DLG2: variants seen among roughly 807,000 people sequenced by gnomAD.
DLG2 encodes discs large MAGUK scaffold protein 2.
Under a neutral mutation model 132.5 loss-of-function variants are expected in DLG2, and 45 were observed. That is an observed-to-expected ratio of 0.34 (90% CI 0.27 to 0.44). DLG2 has a LOEUF of 0.44. DLG2 is among the 20% of genes least tolerant of loss of function. DLG2 has a pLI of 1.00. For missense variants in DLG2, 1,045 were observed against 1,196.9 expected, an observed-to-expected ratio of 0.87 and a Z score of 1.87; for synonymous variants, 424 against 419.6, an observed-to-expected ratio of 1.01 and a Z score of -0.13.
chr11:85,378,101 C>T (rs1007973223), intron 3 of DLG2, among the ~76,000 whole-genome samples: 4 of 151,950 alleles, frequency 2.6e-5, no homozygotes, highest in African/African-American at 4.8e-5. Flanking sequence ...TAAAAGAAAG[C>T]AGAATCAATG....
At chr11:84,645,602 G>T (rs1299887882) in intron 6 of DLG2, among the ~76,000 whole-genome samples, 2 of 152,146 alleles carry the variant, frequency 1.3e-5, no homozygotes, top group East Asian at 3.9e-4. Flanking sequence ...TGAGTAGCTG[G>T]GACTACAGGC....
At chr11:84,078,250 A>C (rs1416734554) in intron 10 of DLG2, among the ~76,000 whole-genome samples, 1 of 152,158 alleles carries the variant, frequency 6.6e-6, no homozygotes. Flanking sequence ...TTGTTCATAT[A>C]AACAGGTAGA....
At chr11:83,900,154 C>T (rs2102784) in intron 15 of DLG2, among the ~76,000 whole-genome samples, 40,238 of 151,986 alleles carry the variant, frequency 0.26, 5,553 homozygotes, top group East Asian at 0.48. Context: ...GAGGAAATTT[C>T]TAAGCAGCAA....
chr11:85,430,278 A>G (rs1161746951), intron 3 of DLG2, among the ~76,000 whole-genome samples: 1 of 152,004 alleles, frequency 6.6e-6, no homozygotes, highest in African/African-American at 2.4e-5. Flanking sequence ...GGTGCAGCAC[A>G]CCAACATGGC....
At chr11:84,049,378 G>C (rs748794348) in intron 11 of DLG2, among the ~76,000 whole-genome samples, 1 of 151,720 alleles carries the variant, frequency 6.6e-6, no homozygotes, top group African/African-American at 2.4e-5. Context: ...CCAATTTCTT[G>C]TACATACAAT....
chr11:83,869,325 C>T (rs1038133091), intron 16 of DLG2, among the ~76,000 whole-genome samples: 6 of 152,072 alleles, frequency 3.9e-5, no homozygotes, highest in Non-Finnish European at 7.3e-5. Flanking sequence ...CTTTTCCCAC[C>T]CAGGCAAAAG....
At chr11:85,056,855 T>C (rs1346958174) in intron 6 of DLG2, among the ~76,000 whole-genome samples, 2 of 151,792 alleles carry the variant, frequency 1.3e-5, no homozygotes, top group African/African-American at 4.8e-5. Context: ...TCACTGAAAA[T>C]ACAATTCAAA....
intron 27 of DLG2, chr11:83,461,758 C>G (rs2136045521): frequency 2.2e-6 from 1 of 461,050 alleles, no homozygotes; most frequent in East Asian, 3.5e-5. Context: ...TATCTCCTGC[C>G]CATGGTTTTG....
At chr11:84,350,182 C>A (rs7105698) in intron 7 of DLG2, among the ~76,000 whole-genome samples, 6,404 of 142,470 alleles carry the variant, frequency 0.045, 487 homozygotes, top group African/African-American at 0.16. Context: ...CGTCCCCCCC[C>A]CCAAAAAAAA....
chr11:84,220,931 G>C (rs2096906589), intron 8 of DLG2, among the ~76,000 whole-genome samples: 1 of 148,622 alleles, frequency 6.7e-6, no homozygotes, highest in Non-Finnish European at 1.5e-5. Context: ...CAGGTGCATG[G>C]TGCATGCCAC....
intron 3 of DLG2, among the ~76,000 whole-genome samples, chr11:85,527,227 GTGT>G (rs2074835345): frequency 6.7e-6 from 1 of 149,446 alleles, no homozygotes; most frequent in African/African-American, 2.5e-5. Context: ...TGTGCCAAAT[GTGT>G]GGGTTTGTTA....
intron 11 of DLG2, among the ~76,000 whole-genome samples, chr11:84,016,619 T>C (rs1437939485): frequency 6.6e-6 from 1 of 152,150 alleles, no homozygotes; most frequent in South Asian, 2.1e-4. Flanking sequence ...AATTTCCCCA[T>C]TGCTTGTTTT....
intron 7 of DLG2, among the ~76,000 whole-genome samples, chr11:84,423,027 CTG>C (rs767313945): frequency 2.6e-5 from 4 of 152,066 alleles, no homozygotes; most frequent in Non-Finnish European, 5.9e-5. Context: ...CTCAGAATAA[CTG>C]TAAAGGGTAG....
chr11:84,940,296 A>G (rs1246732874), intron 6 of DLG2, among the ~76,000 whole-genome samples: 3 of 152,152 alleles, frequency 2.0e-5, no homozygotes, highest in African/African-American at 7.2e-5. Context: ...GACTACAGGC[A>G]TGTGCCACCA....
At chr11:85,138,082 C>T (rs117891318) in intron 5 of DLG2, among the ~76,000 whole-genome samples, 3,647 of 152,068 alleles carry the variant, frequency 0.024, 72 homozygotes, top group Admixed American at 0.055. Context: ...CCAATAATTG[C>T]TAATGAAATG....
intron 21 of DLG2, among the ~76,000 whole-genome samples, chr11:83,514,741 G>T (rs539667514): frequency 2.0e-5 from 3 of 152,026 alleles, no homozygotes; most frequent in African/African-American, 4.8e-5. Flanking sequence ...TAGCATGAAG[G>T]GTTGTTGAAT....
intron 7 of DLG2, among the ~76,000 whole-genome samples, chr11:84,518,574 G>T (rs999765023): frequency 6.6e-6 from 1 of 151,986 alleles, no homozygotes; most frequent in Non-Finnish European, 1.5e-5. Flanking sequence ...AGTATGATGC[G>T]TGCCTCGGAA....
intron 11 of DLG2, among the ~76,000 whole-genome samples, chr11:83,986,367 T>C (rs994853726): frequency 5.3e-5 from 8 of 152,084 alleles, no homozygotes; most frequent in African/African-American, 1.2e-4. Flanking sequence ...ATTTCATCCA[T>C]GTCCCTACAA....
chr11:84,952,792 G>A (rs1270636569), intron 6 of DLG2, among the ~76,000 whole-genome samples: 1 of 152,192 alleles, frequency 6.6e-6, no homozygotes, highest in African/African-American at 2.4e-5. Context: ...AGGGTACATT[G>A]AGGGTTGTAA....
Sources: gnomAD v4.1 joint callset for allele counts (sites outside exome capture counted in the v4.1 genomes callset) on GRCh38, gnomAD v4.1.1 for gene constraint, MANE v1.5 for transcripts, NCBI Gene and HGNC (gene_info 2026-07-23, HGNC 2026-07-21) for gene names.